Variants in TSHZ2 observed in about 807,000 individuals in gnomAD.
TSHZ2 encodes teashirt zinc finger homeobox 2.
A neutral mutation model predicts 74.4 loss-of-function variants in TSHZ2; 21 were observed. The ratio of observed to expected loss-of-function variants is 0.28; its 90% CI spans 0.20 to 0.41. TSHZ2 has a LOEUF of 0.41. Among genes scored for constraint, TSHZ2 ranks in the 10% least tolerant of loss-of-function variants. The pLI, the probability that TSHZ2 is intolerant of heterozygous loss-of-function variation, is 1.00. For synonymous variants in TSHZ2, 540 were observed against 515.3 expected, an observed-to-expected ratio of 1.05 and a Z score of -0.65; for missense variants, 1,244 against 1,293.5, an observed-to-expected ratio of 0.96 and a Z score of 0.59.
intron 2 of TSHZ2, among the ~76,000 whole-genome samples, chr20:53,401,656 A>G (rs541451402): frequency 6.6e-6 from 1 of 150,678 alleles, no homozygotes; most frequent in Non-Finnish European, 1.5e-5. Context: ...GTGGTTTTCC[A>G]TTCCTGAGTT....
chr20:52,993,558 A>G (rs569498697), intron 1 of TSHZ2, among the ~76,000 whole-genome samples: 1 of 152,332 alleles, frequency 6.6e-6, no homozygotes, highest in African/African-American at 2.4e-5. Flanking sequence ...CACTCTGACA[A>G]ATAAAAATAA....
rs116531855 is a variant in TSHZ2 at position 53,410,426 on chromosome 20, A to C, written c.*9-76718A>C. 7.4e-3 allele frequency among the ~76,000 whole-genome samples: 1,128 copies of C among 152,270 alleles called. 11 individuals are homozygous for C. Among genetic ancestry groups the C allele is most frequent in the African/African-American group, 0.025 (1,049 of 41,556 alleles). On this transcript the variant is annotated intron_variant, in intron 2 of 2. Transcript: ENST00000371497. ...ATCAAGGCACCTGTAAGTTATGCCA[A>C]GGCACCTGTAAGTTATGAAAAAGGT...
At chr20:53,434,158 C>T (rs1189276658) in intron 2 of TSHZ2, among the ~76,000 whole-genome samples, 1 of 152,190 alleles carries the variant, frequency 6.6e-6, no homozygotes, top group Admixed American at 6.5e-5. Flanking sequence ...GCACGAGCCA[C>T]CACACCCAGC....
intron 1 of TSHZ2, among the ~76,000 whole-genome samples, chr20:53,240,248 C>G (rs762584713): frequency 3.3e-5 from 5 of 152,116 alleles, no homozygotes; most frequent in Non-Finnish European, 7.4e-5. Flanking sequence ...TTAGATCCAG[C>G]CTGAATAACC....
intron 1 of TSHZ2, among the ~76,000 whole-genome samples, chr20:53,164,954 TTGATGGTTATATGATCACCACTTTCA>T (rs1988032070): frequency 6.6e-6 from 1 of 152,196 alleles, no homozygotes; most frequent in South Asian, 2.1e-4. Context: ...GGATCCTTGA[TTGATGGTTATATGATCACCACTTTCA>T]TTTAATCTCT....
intron 2 of TSHZ2, among the ~76,000 whole-genome samples, chr20:53,271,680 C>G (rs181300054): frequency 4.0e-4 from 61 of 152,134 alleles, no homozygotes; most frequent in Admixed American, 1.6e-3. Flanking sequence ...AAGGAGCTAG[C>G]CAGGAGGATA....
chr20:53,254,428 G>C lies in TSHZ2; in HGVS notation c.970G>C (p.Val324Leu). ...SKMVTPAKKR[V>L]FDVNRPCSPD... The stretch of plus-strand genomic sequence containing the variant: ...AATGGTCACCCCGGCTAAGAAACGC[G>C]TTTTTGATGTCAATCGGCCGTGTTC... The change falls in exon 2 of 3, where the codon GTT becomes CTT. Residue 324 changes from valine (V) to leucine (L), a missense_variant. Transcript: ENST00000371497. The C allele has an allele frequency of 1.2e-6, 2 of 1,613,302 alleles. No homozygotes were observed. Among genetic ancestry groups the C allele is most frequent in the Non-Finnish European group, 1.7e-6 (2 of 1,179,278 alleles).
chr20:53,142,192 A>T (rs573304768), intron 1 of TSHZ2, among the ~76,000 whole-genome samples: 2 of 152,346 alleles, frequency 1.3e-5, no homozygotes, highest in East Asian at 1.9e-4. Flanking sequence ...TGAAGAGTAC[A>T]GGGGAAACGA....
intron 2 of TSHZ2, among the ~76,000 whole-genome samples, chr20:53,413,849 C>T (rs1349874057): frequency 1.3e-5 from 2 of 152,072 alleles, no homozygotes; most frequent in Non-Finnish European, 2.9e-5. Flanking sequence ...ACATTATATC[C>T]AAAAAAGTTC....
chr20:53,151,232 C>A (rs910158506), intron 1 of TSHZ2, among the ~76,000 whole-genome samples: 1 of 152,170 alleles, frequency 6.6e-6, no homozygotes, highest in Admixed American at 6.5e-5. Flanking sequence ...TATTAAGGAA[C>A]AATGTCCTAT....
At chr20:53,347,628 T>G (rs945730699) in intron 2 of TSHZ2, among the ~76,000 whole-genome samples, 1 of 96,274 alleles carries the variant, frequency 1.0e-5, no homozygotes, top group African/African-American at 6.7e-5. Context: ...TTGTCCATCT[T>G]TTTTACTTTT....
At chr20:53,232,072 T>C (rs1426064188) in intron 1 of TSHZ2, among the ~76,000 whole-genome samples, 6 of 152,090 alleles carry the variant, frequency 3.9e-5, no homozygotes, top group Admixed American at 3.9e-4. Flanking sequence ...TATTTTTTTG[T>C]AGAGATGGGA....
At chr20:53,274,123 A>G (rs1000734431) in intron 2 of TSHZ2, among the ~76,000 whole-genome samples, 4 of 152,166 alleles carry the variant, frequency 2.6e-5, no homozygotes, top group African/African-American at 9.7e-5. Flanking sequence ...TACAAAAATT[A>G]GCTGGGTGTG....
intron 2 of TSHZ2, among the ~76,000 whole-genome samples, chr20:53,319,404 G>A (rs1420861061): frequency 6.6e-6 from 1 of 152,234 alleles, no homozygotes; most frequent in Non-Finnish European, 1.5e-5. Flanking sequence ...TACAGATGAG[G>A]AAACTGAGTT....
At chr20:53,458,882 A>T (rs564581514) in intron 2 of TSHZ2, among the ~76,000 whole-genome samples, 104 of 152,030 alleles carry the variant, frequency 6.8e-4, no homozygotes, top group African/African-American at 2.3e-3. Context: ...TTTGAGTGAG[A>T]TTCTTAATCC....
intron 1 of TSHZ2, among the ~76,000 whole-genome samples, chr20:53,218,659 A>G (rs1989488887): frequency 6.6e-6 from 1 of 152,246 alleles, no homozygotes; most frequent in Non-Finnish European, 1.5e-5. Flanking sequence ...CCCTGAGGCC[A>G]AACATCACTA....
At chr20:53,007,187 C>G (rs546210833) in intron 1 of TSHZ2, among the ~76,000 whole-genome samples, 1 of 152,200 alleles carries the variant, frequency 6.6e-6, no homozygotes, top group South Asian at 2.1e-4. Context: ...CAGGAGTTGA[C>G]CAGGCTGAAG....
chr20:53,056,451 T>C (rs1363863462), intron 1 of TSHZ2, among the ~76,000 whole-genome samples: 2 of 152,182 alleles, frequency 1.3e-5, no homozygotes, highest in African/African-American at 4.8e-5. Flanking sequence ...ACCGTTGTCG[T>C]TATCAAGGGC....
intron 1 of TSHZ2, among the ~76,000 whole-genome samples, chr20:53,084,689 C>T (rs1485650657): frequency 4.4e-5 from 1 of 22,740 alleles, no homozygotes; most frequent in African/African-American, 1.7e-4. Flanking sequence ...CTCCCTCCCT[C>T]CCTCTCTCCC....
Sources: gnomAD v4.1 joint callset for allele counts (sites outside exome capture counted in the v4.1 genomes callset) on GRCh38, gnomAD v4.1.1 for gene constraint, MANE v1.5 for transcripts, NCBI Gene and HGNC (gene_info 2026-07-23, HGNC 2026-07-21) for gene names.